MYOZ3: variants seen among roughly 807,000 people sequenced by gnomAD.
MYOZ3 encodes myozenin 3.
In MYOZ3, 19 loss-of-function variants were observed where a neutral mutation model predicts 26.5. The observed-to-expected ratio is 0.72, with a 90% CI of 0.50 to 1.05. The LOEUF (loss-of-function observed/expected upper bound fraction) is 1.05, where lower values mean the gene tolerates loss of function less well. Among genes scored for constraint, MYOZ3 ranks in the 50% least tolerant of loss-of-function variants. The pLI, the probability that MYOZ3 is intolerant of heterozygous loss-of-function variation, is 0.00. For synonymous variants in MYOZ3, 135 were observed against 138.8 expected (o/e 0.97, Z 0.19); for missense variants, 322 against 337.1 (o/e 0.96, Z 0.35).
intron 6 of MYOZ3, among the ~76,000 whole-genome samples, chr5:150,673,646 G>T (rs992992350): frequency 6.6e-6 from 1 of 152,126 alleles, no homozygotes; most frequent in Non-Finnish European, 1.5e-5. Context: ...GGCGTATTAT[G>T]ATTATTATTT....
At chr5:150,676,146 G>A (rs889565972) in intron 6 of MYOZ3, among the ~76,000 whole-genome samples, 2 of 152,046 alleles carry the variant, frequency 1.3e-5, no homozygotes, top group Non-Finnish European at 2.9e-5. Flanking sequence ...GTCTTGCCTA[G>A]GACAAGTCAA....
chr5:150,670,195 A>G (rs558960295), intron 2 of MYOZ3: 208 of 268,946 alleles, frequency 7.7e-4, no homozygotes, highest in Non-Finnish European at 1.2e-3. Flanking sequence ...TACCTCCACC[A>G]TTATGGGCAA....
intron 2 of MYOZ3, among the ~76,000 whole-genome samples, chr5:150,666,959 A>G (rs1758820582): frequency 6.6e-6 from 1 of 151,992 alleles, no homozygotes; most frequent in African/African-American, 2.4e-5. Flanking sequence ...GGGTTTTGCC[A>G]TGTTGGCCAG....
chr5:150,670,754 C>A, intron 3 of MYOZ3, 116 bp downstream of exon 3: 1 of 998,580 alleles, frequency 1.0e-6, no homozygotes, highest in Non-Finnish European at 1.4e-6. Context: ...TCAGATTAGG[C>A]TCCTGCCTTT....
At chr5:150,672,526 G>A in intron 6 of MYOZ3, 24 bp downstream of exon 6, 2 of 1,541,514 alleles carry the variant, frequency 1.3e-6, no homozygotes, top group Non-Finnish European at 8.7e-7. Context: ...GGCAGCCCGG[G>A]GGACAGACCG....
At chr5:150,671,474 G>C in intron 3 of MYOZ3, 123 bp from the exon 4 acceptor site, 2 of 982,150 alleles carry the variant, frequency 2.0e-6, no homozygotes, top group South Asian at 3.0e-5. Context: ...ACTCATCCTT[G>C]TTCCCCGATG....
intron 5 of MYOZ3, 142 bp from the exon 6 acceptor site, chr5:150,672,198 G>C: frequency 7.8e-7 from 1 of 1,273,894 alleles, no homozygotes; most frequent in Non-Finnish European, 1.1e-6. Context: ...TGGAGCAACT[G>C]TGGCTTCCCA....
chr5:150,662,900 G>A (rs1758756353), intron 1 of MYOZ3, 41 bp from the exon 2 acceptor site: 4 of 1,579,978 alleles, frequency 2.5e-6, no homozygotes. Flanking sequence ...GGGGAGAAAT[G>A]GAGGCAGCCT....
rs748738617 is a variant in MYOZ3 at position 150,676,740 on chromosome 5, G to A, written c.621G>A (p.Gly207=). ...TPVPFGGPLV[G]GTFPRPGTPF... is the part of the protein sequence containing the mutation. ...TGCCATTTGGAGGACCCCTCGTGGG[G>A]GGCACTTTTCCCAGGCCAGGCACCC... The change falls in exon 7 of 7, where the codon GGG becomes GGA. Residue 207 remains glycine (G), a synonymous_variant. Coordinates refer to ENST00000517768, the MANE Select transcript of MYOZ3 (RefSeq NM_001122853.3). 6.2e-7 allele frequency: 1 copy of A among 1,613,982 alleles called. No homozygotes were observed. The highest frequency in any genetic ancestry group is 8.5e-7 in the Non-Finnish European group (1 of 1,180,020).
At chr5:150,662,877 T>A in intron 1 of MYOZ3, 64 bp from the exon 2 acceptor site, 1 of 1,445,498 alleles carries the variant, frequency 6.9e-7, no homozygotes, top group Non-Finnish European at 9.7e-7. Flanking sequence ...AACCAGAGAC[T>A]GGAAGGAGGT....
At chr5:150,672,268 G>A (rs774317204) in intron 5 of MYOZ3, 72 bp from the exon 6 acceptor site, 1 of 1,545,672 alleles carries the variant, frequency 6.5e-7, no homozygotes. Context: ...CCGCGGAATG[G>A]GGGTGGGGCG....
chr5:150,675,922 A>T (rs1459713249), intron 6 of MYOZ3, among the ~76,000 whole-genome samples: 1 of 152,200 alleles, frequency 6.6e-6, no homozygotes, highest in Non-Finnish European at 1.5e-5. Context: ...CTTACCCTCT[A>T]ACCAGCAGCA....
At chr5:150,674,954 G>A (rs1056137261) in intron 6 of MYOZ3, among the ~76,000 whole-genome samples, 7 of 152,176 alleles carry the variant, frequency 4.6e-5, no homozygotes, top group African/African-American at 1.7e-4. Context: ...AGGTTGCAGT[G>A]TGCCGAGATC....
Position 150,676,801 on chromosome 5 carries a change from C to T in MYOZ3, c.682C>T (p.Leu228Phe), listed in dbSNP as rs1456584958. 2 of 1,614,028 alleles carry T rather than the reference C, an allele frequency of 1.2e-6. No individual in the cohort carries two copies. Among genetic ancestry groups the T allele is most frequent in the South Asian group, 1.1e-5 (1 of 91,086 alleles). ...IPEPLSGLEL[L>F]RLRPSFNRVA... ...GGAGCCCCTCAGTGGCTTGGAACTCCTCCGTCTCAGACCCAGCTTCAACAG... is the reference window on the plus strand; with the variant it reads ...GGAGCCCCTCAGTGGCTTGGAACTCTTCCGTCTCAGACCCAGCTTCAACAG... The change falls in exon 7 of 7, where the codon CTC (leucine) becomes TTC (phenylalanine). Residue 228 changes from leucine to phenylalanine, a missense_variant. Transcript: ENST00000517768.
intron 3 of MYOZ3, chr5:150,671,395 A>G: frequency 1.6e-6 from 1 of 607,926 alleles, no homozygotes; most frequent in South Asian, 2.1e-5. Context: ...ACTCGGCATT[A>G]CAATAGCAAT....
At chr5:150,663,822 C>T (rs1758769818) in intron 2 of MYOZ3, among the ~76,000 whole-genome samples, 1 of 151,124 alleles carries the variant, frequency 6.6e-6, no homozygotes, top group Admixed American at 6.6e-5. Flanking sequence ...TGGTGAGACT[C>T]CATCTCTACA....
rs1234287191 is a variant in MYOZ3, at chr5:150,672,460, G to A, written c.545G>A (p.Arg182Gln). The change falls in exon 6 of 7, where the codon CGA (arginine) becomes CAA (glutamine). Residue 182 changes from arginine (R) to glutamine (Q), a missense_variant. By Grantham distance (43) the Arg-to-Gln change is conservative. Transcript: ENST00000517768. The part of the protein sequence containing the change: ...VSYRDYQSDG[R>Q]SHTPSPNDYR... Reference sequence around the variant, plus strand: ...TACCGGGACTACCAGAGCGATGGCCGAAGTCACACCCCCAGCCCCAACGAC... The same window carrying A: ...TACCGGGACTACCAGAGCGATGGCCAAAGTCACACCCCCAGCCCCAACGAC... 6 of 1,604,746 alleles carry A rather than the reference G, an allele frequency of 3.7e-6. No individual in the cohort carries two copies. The African/African-American group carries it at 4.0e-5, about 11-fold the overall frequency.
chr5:150,668,177 C>T (rs895689225), intron 2 of MYOZ3, among the ~76,000 whole-genome samples: 1 of 152,172 alleles, frequency 6.6e-6, no homozygotes, highest in Non-Finnish European at 1.5e-5. Context: ...TTTGGCTTAT[C>T]GCTTCCTCAT....
At chr5:150,672,768 T>A in intron 6 of MYOZ3, 1 of 447,520 alleles carries the variant, frequency 2.2e-6, no homozygotes, top group Non-Finnish European at 3.9e-6. Context: ...GTTTTCCTGT[T>A]CTGCAGATGA....
Sources: allele counts gnomAD v4.1 joint callset (sites outside exome capture counted in the v4.1 genomes callset), GRCh38; gene constraint gnomAD v4.1.1; transcripts MANE v1.5; gene names NCBI Gene and HGNC (gene_info 2026-07-23, HGNC 2026-07-21).